Variants in NAT10 observed in about 807,000 individuals in gnomAD.
NAT10 encodes the protein RNA cytidine acetyltransferase.
In NAT10, 109 loss-of-function variants were observed where a neutral mutation model predicts 132.2. The ratio of observed to expected loss-of-function variants is 0.82; its 90% CI spans 0.71 to 0.97. The LOEUF (loss-of-function observed/expected upper bound fraction) is 0.97, where lower values mean the gene tolerates loss of function less well. NAT10 is among the 50% of genes least tolerant of loss of function. The pLI, the probability that NAT10 is intolerant of heterozygous loss-of-function variation, is 0.00. For synonymous variants in NAT10, 479 were observed against 478.0 expected, an observed-to-expected ratio of 1.00 and a Z score of -0.03; for missense variants, 1,184 against 1,263.4, an observed-to-expected ratio of 0.94 and a Z score of 0.95.
Position 34,143,535 on chromosome 11 carries a change from G to T in NAT10, c.2969+7G>T, listed in dbSNP as rs773726144. On this transcript the variant is annotated splice_region_variant and intron_variant, in intron 28 of 28. Transcript: ENST00000257829. ...CGATCATCAGCCTGAAAAGGTGAGG[G>T]CCCAGGGTCTGATGTGCATCTGGCG... The T allele has an allele frequency of 6.2e-7, 1 of 1,613,090 alleles. No individual in the cohort carries two copies. Among genetic ancestry groups the T allele is most frequent in the South Asian group, 1.1e-5 (1 of 90,826 alleles).
At chr11:34,118,112 A>T (rs889746861) in intron 6 of NAT10, 68 bp from the exon 7 acceptor site, 2 of 1,311,682 alleles carry the variant, frequency 1.5e-6, no homozygotes, top group African/African-American at 2.9e-5. Flanking sequence ...TTTTTGAAGA[A>T]AAGTTATACT....
Position 34,130,933 on chromosome 11 carries a change from A to G in NAT10, c.1365A>G (p.Ala455=). The G allele has an allele frequency of 6.2e-7, 1 of 1,614,052 alleles. No homozygotes were observed. The highest frequency in any genetic ancestry group is 8.5e-7 in the Non-Finnish European group (1 of 1,179,938). ...AGACCACGACGACAGCCAGATTGGC[A>G]TCAGGTACCCCAGAACCTGACCCGG... is the stretch of plus-strand genomic sequence containing the variant. ...ENKTTTTARL[A]SARTLYEVSL... Residue 455 remains alanine, a synonymous_variant, in exon 13 of 29, where the codon GCA becomes GCG. Transcript: ENST00000257829.
intron 18 of NAT10, 84 bp from the exon 19 acceptor site, chr11:34,135,091 A>G: frequency 3.7e-6 from 4 of 1,068,024 alleles, no homozygotes; most frequent in East Asian, 2.4e-5. Flanking sequence ...AAGGTTCTCT[A>G]GAAGCAATGC....
intron 28 of NAT10, 48 bp downstream of exon 28, chr11:34,143,576 C>T (rs1852380818): frequency 6.5e-7 from 1 of 1,531,994 alleles, no homozygotes; most frequent in Non-Finnish European, 8.9e-7. Flanking sequence ...GGCATTCTGG[C>T]CTCTCTGCTT....
chr11:34,138,033 C>T (rs545529553), intron 21 of NAT10, among the ~76,000 whole-genome samples: 4 of 152,270 alleles, frequency 2.6e-5, no homozygotes, highest in East Asian at 3.9e-4. Flanking sequence ...CGAAAGGGAG[C>T]AGAGAAACAA....
At position 34,141,903 on chromosome 11, in the gene NAT10, T is replaced by G. The variant is rs980604224; in HGVS notation, c.2811+86T>G. The G allele has an allele frequency of 1.5e-5, 17 of 1,147,204 alleles. 1 individual carries two copies. The African/African-American group carries it at 1.8e-4, about 12-fold the overall frequency. The allele number at this position is 1,147,204 out of a possible 1,614,324, so 71.1% of individuals were successfully genotyped here. A position where few individuals can be genotyped will look rare whatever the true frequency, so the allele number is the denominator to read the frequency against. ...AATTCAGACTGTCTTCCCCTTCCCCTTTAGAAAGAGTCCTCTGCACTAATT... is the reference window on the plus strand; with the variant it reads ...AATTCAGACTGTCTTCCCCTTCCCCGTTAGAAAGAGTCCTCTGCACTAATT... On this transcript the variant is annotated intron_variant, in intron 26 of 28. Transcript: ENST00000257829.
Position 34,143,314 on chromosome 11 carries a change from A to G in NAT10, c.2886-131A>G. 4.0e-6 allele frequency: 3 copies of G among 753,550 alleles called. No individual in the cohort carries two copies. In the South Asian group the frequency reaches 5.5e-5, roughly 14 times the overall value. The allele number at this position is 753,550 out of a possible 1,614,324, so 46.7% of individuals were successfully genotyped here. On this transcript the variant is annotated intron_variant, in intron 27 of 28. Coordinates refer to ENST00000257829, the MANE Select transcript of NAT10 (RefSeq NM_024662.3). ...CCCCTCTGTCCTTTCTGCTGTTCAA[A>G]TGCTGACACAGCTCAGCCTGGCTTT...
intron 28 of NAT10, 99 bp downstream of exon 28, chr11:34,143,627 G>C (rs1852381815): frequency 8.9e-7 from 1 of 1,129,402 alleles, no homozygotes; most frequent in Admixed American, 2.5e-5. Flanking sequence ...TGGAGCAAAA[G>C]CTTTGACAGA....
At chr11:34,116,735 C>T (rs1204642743) in intron 6 of NAT10, among the ~76,000 whole-genome samples, 1 of 152,150 alleles carries the variant, frequency 6.6e-6, no homozygotes, top group East Asian at 1.9e-4. Flanking sequence ...GCCGGGATTA[C>T]AGGAGCCCAC....
chr11:34,106,087 A>G (rs1353421539), intron 1 of NAT10: 1 of 152,670 alleles, frequency 6.6e-6, no homozygotes, highest in Non-Finnish European at 1.5e-5. Context: ...GGGTGACAAC[A>G]GTTGTTTTCC....
At chr11:34,141,004 C>A in intron 24 of NAT10, 85 bp from the exon 25 acceptor site, 2 of 1,581,100 alleles carry the variant, frequency 1.3e-6, no homozygotes, top group South Asian at 2.3e-5. Flanking sequence ...TAGCTTTGGT[C>A]AAGAGAGTAC....
intron 11 of NAT10, among the ~76,000 whole-genome samples, chr11:34,124,661 C>T (rs917903347): frequency 2.6e-5 from 4 of 152,296 alleles, no homozygotes; most frequent in South Asian, 2.1e-4. Flanking sequence ...GTGGAAAGTA[C>T]GCTGATTAAC....
chr11:34,115,377 C>CAA, intron 5 of NAT10, among the ~76,000 whole-genome samples: 1 of 152,300 alleles, frequency 6.6e-6, no homozygotes, highest in East Asian at 1.9e-4. Flanking sequence ...GAGAGGCCCT[C>CAA]CCTCACTACC....
chr11:34,146,144 C>T lies in NAT10; in HGVS notation c.3030C>T (p.Asn1010=), dbSNP rs763857258. Residue 1010 remains asparagine (N), a synonymous_variant, in exon 29 of 29, where the codon AAC becomes AAT. Transcript: ENST00000257829. ...CCAAACAGAGCAAGAAGTTGAAGAA[C>T]AGAGAGACAAAGAACAAAAAAGATA... ...QEPKQSKKLK[N]RETKNKKDMK... 3.1e-6 allele frequency: 5 copies of T among 1,610,462 alleles called. No homozygotes were observed. In the East Asian group the frequency reaches 1.1e-4, roughly 36 times the overall value.
chr11:34,135,324 G>A lies in NAT10; in HGVS notation c.2028+33G>A, dbSNP rs755616793. ...TCTTTCGACAGACCTCCTGTGTCCT[G>A]GTTCTTGGGAGGATAATTCTCTGGG... is the stretch of plus-strand genomic sequence containing the variant. On this transcript the variant is annotated intron_variant, in intron 19 of 28. Transcript: ENST00000257829. The A allele has an allele frequency of 4.4e-6, 7 of 1,574,186 alleles. No homozygotes were observed. The African/African-American group carries it at 9.5e-5, about 21-fold the overall frequency.
chr11:34,141,666 T>G, intron 25 of NAT10, 53 bp from the exon 26 acceptor site: 1 of 1,540,808 alleles, frequency 6.5e-7, no homozygotes, highest in East Asian at 2.2e-5. Context: ...CACGGGTGAC[T>G]GGGTCCCTGC....
chr11:34,145,853 C>T (rs1852429988), intron 28 of NAT10, among the ~76,000 whole-genome samples: 1 of 152,142 alleles, frequency 6.6e-6, no homozygotes, highest in Non-Finnish European at 1.5e-5. Flanking sequence ...TGTTCTTCCA[C>T]AGACTAAGAG....
intron 4 of NAT10, among the ~76,000 whole-genome samples, 156 bp downstream of exon 4, chr11:34,112,379 A>G (rs972164858): frequency 6.6e-6 from 1 of 152,210 alleles, no homozygotes; most frequent in Non-Finnish European, 1.5e-5. Flanking sequence ...CCACTTTCCA[A>G]AGTACACTCG....
At chr11:34,139,982 G>A (rs940500245) in intron 23 of NAT10, among the ~76,000 whole-genome samples, 14 of 152,238 alleles carry the variant, frequency 9.2e-5, no homozygotes, top group Admixed American at 7.8e-4. Context: ...ATGCATATAT[G>A]TGTATATGTG....
Sources: allele counts gnomAD v4.1 joint callset (sites outside exome capture counted in the v4.1 genomes callset), GRCh38; gene constraint gnomAD v4.1.1; transcripts MANE v1.5; gene names NCBI Gene and HGNC (gene_info 2026-07-23, HGNC 2026-07-21).